The following RAPGEF3 variants were observed in gnomAD, a reference collection of about 807,000 sequenced individuals.
RAPGEF3 encodes the protein 9330170P05Rik.
In RAPGEF3, 103 loss-of-function variants were observed where a neutral mutation model predicts 129.8. That is an observed-to-expected ratio of 0.79 (90% CI 0.68 to 0.93). RAPGEF3 has a LOEUF of 0.93. Among genes scored for constraint, RAPGEF3 ranks in the 40% least tolerant of loss-of-function variants. The pLI, the probability that RAPGEF3 is intolerant of heterozygous loss-of-function variation, is 0.00. For synonymous variants in RAPGEF3, 436 were observed against 482.6 expected, an observed-to-expected ratio of 0.90 and a Z score of 1.26; for missense variants, 1,117 against 1,207.4, an observed-to-expected ratio of 0.93 and a Z score of 1.11.
In RAPGEF3 at chr12:47,747,537, G is replaced by T. The variant is rs1385599771; in HGVS notation, c.1556+7C>A. 1.9e-6 allele frequency: 3 copies of T among 1,612,862 alleles called. No homozygotes were observed. Among genetic ancestry groups the T allele is most frequent in the Non-Finnish European group, 2.5e-6 (3 of 1,179,080 alleles). On this transcript the variant is annotated splice_region_variant and intron_variant, in intron 15 of 27. Coordinates refer to ENST00000449771, the MANE Select transcript of RAPGEF3 (RefSeq NM_001098531.4). ...GAAATGACAAATTAACAGAGTCAAAGCATCACCTGTGGCATCGCCGCCTCT... is the reference window on the plus strand; with the variant it reads ...GAAATGACAAATTAACAGAGTCAAATCATCACCTGTGGCATCGCCGCCTCT...
chr12:47,755,133 G>A (rs1941977633), intron 2 of RAPGEF3, among the ~76,000 whole-genome samples: 1 of 152,170 alleles, frequency 6.6e-6, no homozygotes, highest in South Asian at 2.1e-4. Flanking sequence ...GTGCAGCATG[G>A]TGGTTATGTG....
intron 2 of RAPGEF3, among the ~76,000 whole-genome samples, chr12:47,754,236 C>G (rs1941922167): frequency 6.6e-6 from 1 of 152,268 alleles, no homozygotes; most frequent in Non-Finnish European, 1.5e-5. Flanking sequence ...TATGCCTATT[C>G]CCATGTTTCC....
In RAPGEF3 at chr12:47,758,020, G is replaced by A. The variant is rs754346610; in HGVS notation, c.65C>T (p.Ala22Val). The change falls in exon 2 of 28, where the codon GCT becomes GTT. Residue 22 changes from alanine to valine, a missense_variant. Around this residue, in one of 3 missense-constraint regions of RAPGEF3, gnomAD observed 367 missense variants for 373.4 expected, o/e 0.98. Coordinates refer to ENST00000449771, the MANE Select transcript of RAPGEF3 (RefSeq NM_001098531.4). ...QVGLAVEDSP[A>V]LGAPRVGALP... ...GGCTCCCACCCGCGGTGCTCCCAGA[G>A]CTGGGCTATCCTCCACAGCCAGGCC... The A allele has an allele frequency of 3.8e-5, 60 of 1,576,240 alleles. No homozygotes were observed. The highest frequency in any genetic ancestry group is 4.7e-5 in the Non-Finnish European group (55 of 1,160,940).
rs1940790169 is a variant in RAPGEF3 at position 47,736,047 on chromosome 12, G to C, written c.*1520C>G. Reference sequence around the variant, plus strand: ...GCCTGGATAGCACAGGACTGCCCTTGGCTGTCACCTCTGCTACAGAGGCAG... The same window carrying C: ...GCCTGGATAGCACAGGACTGCCCTTCGCTGTCACCTCTGCTACAGAGGCAG... On this transcript the variant is annotated 3_prime_UTR_variant, in exon 28 of 28. Transcript: ENST00000449771. The C allele has an allele frequency of 6.6e-6, 1 of 152,252 alleles. No individual in the cohort carries two copies. Among genetic ancestry groups the C allele is most frequent in the South Asian group, 2.1e-4 (1 of 4,832 alleles). The allele number at this position is 152,252 out of a possible 1,614,324, so 9.4% of individuals were successfully genotyped here.
Position 47,749,492 on chromosome 12 carries a change from C to T in RAPGEF3, c.939G>A (p.Leu313=). The change falls in exon 10 of 28, where the codon CTG becomes CTA. Residue 313 remains leucine, a synonymous_variant. Coordinates refer to ENST00000449771, the MANE Select transcript of RAPGEF3 (RefSeq NM_001098531.4). This position sits in a 1 kb window ranked among gnomAD's most constrained non-coding sequence, Gnocchi z 4.5. ...TLHEGDDFGQ[L]ALVNDAPRAA... ...CCCGGGGTGCATCATTCACCAGAGC[C>T]AGCTGTCCAAAATCATCTCCCTCAT... 1 of 1,612,794 alleles carries T rather than the reference C, an allele frequency of 6.2e-7. No homozygotes were observed. Among genetic ancestry groups the T allele is most frequent in the Non-Finnish European group, 8.5e-7 (1 of 1,180,002 alleles).
intron 16 of RAPGEF3, 41 bp from the exon 17 acceptor site, chr12:47,744,109 TGAGAG>T (rs1941304829): frequency 1.3e-6 from 2 of 1,501,962 alleles, no homozygotes; most frequent in East Asian, 2.3e-5. Context: ...TGGGAGGACA[TGAGAG>T]GAGACCGTGG....
chr12:47,751,016 T>G (rs758754073), intron 6 of RAPGEF3, 32 bp downstream of exon 6: 1 of 1,585,946 alleles, frequency 6.3e-7, no homozygotes, highest in Non-Finnish European at 8.6e-7. Flanking sequence ...GTGTGAGGCC[T>G]GGGGTCACGG....
intron 17 of RAPGEF3, 87 bp downstream of exon 17, chr12:47,743,900 G>A: frequency 2.1e-6 from 3 of 1,456,652 alleles, no homozygotes; most frequent in Non-Finnish European, 2.9e-6. Flanking sequence ...GGCACACCGA[G>A]GTCAAGAGTG....
At chr12:47,756,386 A>G (rs1427873266) in intron 2 of RAPGEF3, 1 of 152,090 alleles carries the variant, frequency 6.6e-6, no homozygotes, top group East Asian at 1.9e-4. Flanking sequence ...GTTCCAGCCC[A>G]CTGGCTCCAG....
chr12:47,737,882 A>G, intron 27 of RAPGEF3, 140 bp downstream of exon 27: 16 of 1,239,720 alleles, frequency 1.3e-5, no homozygotes, highest in Non-Finnish European at 1.6e-5. Flanking sequence ...CTCAGAGCAC[A>G]GAGGCTGAAC....
chr12:47,743,572 A>G lies in RAPGEF3; in HGVS notation c.1783T>C (p.Trp595Arg), dbSNP rs758693193. Residue 595 changes from tryptophan (W) to arginine (R), a missense_variant, in exon 18 of 28, where the codon TGG becomes CGG. Trp to Arg is a moderately radical substitution (Grantham distance 101). Coordinates refer to ENST00000449771, the MANE Select transcript of RAPGEF3 (RefSeq NM_001098531.4). ...TTCACCAGCACCTGCCCCTTGGTCC[A>G]GCCATCCTCCTGGGCCAACGCTGCC... The part of the protein sequence containing the change: ...VMAALAQEDG[W>R]TKGQVLVKVN... 5 of 1,614,186 alleles carry G rather than the reference A, an allele frequency of 3.1e-6. No homozygotes were observed. The South Asian group carries it at 5.5e-5, about 18-fold the overall frequency.
intron 15 of RAPGEF3, among the ~76,000 whole-genome samples, chr12:47,747,295 A>G (rs1455736118): frequency 6.6e-6 from 1 of 152,186 alleles, no homozygotes; most frequent in East Asian, 1.9e-4. Context: ...TGCATGCCCA[A>G]TGGAGGAAGT....
chr12:47,751,514 G>T lies in RAPGEF3; in HGVS notation c.387C>A (p.Cys129Ter). The T allele has an allele frequency of 1.9e-6, 3 of 1,614,228 alleles. No individual in the cohort carries two copies. The highest frequency in any genetic ancestry group is 2.5e-6 in the Non-Finnish European group (3 of 1,180,042). The change falls in exon 5 of 28, where the codon TGC becomes TGA. Residue 129 changes from cysteine to a stop codon, truncating the protein, a stop_gained. Transcript: ENST00000449771. LOFTEE classifies it high-confidence loss of function. ...RKYHLRLYRQ[C>*]CSGRELVDGI... ...CATCCACCAGCTCCCGGCCAGAGCA[G>T]CACTGCCTATGGAAGGTAGAAGGGG...
At chr12:47,757,617 C>T (rs913601871) in intron 2 of RAPGEF3, among the ~76,000 whole-genome samples, 1 of 152,190 alleles carries the variant, frequency 6.6e-6, no homozygotes. Flanking sequence ...CAACAAATCC[C>T]TTTCCCCTTC....
chr12:47,748,691 TC>T, intron 11 of RAPGEF3, 127 bp downstream of exon 11: 1 of 1,009,210 alleles, frequency 9.9e-7, no homozygotes, highest in Non-Finnish European at 1.5e-6. Context: ...AGCAGGCACA[TC>T]CTGGTCCCTC....
rs1435656137 is a variant in RAPGEF3 at position 47,748,474 on chromosome 12, G to A, written c.1223C>T (p.Ser408Phe). 6.2e-7 allele frequency: 1 copy of A among 1,613,636 alleles called. No homozygotes were observed. Among genetic ancestry groups the A allele is most frequent in the Non-Finnish European group, 8.5e-7 (1 of 1,179,908 alleles). ...CTTACCTGTTGGGTCATGAGCACTGGAATCTGGTCCCATGGCCTCCAACAG... is the reference window on the plus strand; with the variant it reads ...CTTACCTGTTGGGTCATGAGCACTGAAATCTGGTCCCATGGCCTCCAACAG... Reference protein sequence around the residue: ...ELLLEAMGPDSSAHDPTETFL... With the variant: ...ELLLEAMGPDFSAHDPTETFL... The change falls in exon 12 of 28, where the codon TCC becomes TTC. Residue 408 changes from serine (S) to phenylalanine (F), a missense_variant. Coordinates refer to ENST00000449771, the MANE Select transcript of RAPGEF3 (RefSeq NM_001098531.4).
In RAPGEF3 at chr12:47,747,553, C is replaced by T. The variant is rs746514278; in HGVS notation, c.1547G>A (p.Arg516Gln). Reference sequence around the variant, plus strand: ...AGAGTCAAAGCATCACCTGTGGCATCGCCGCCTCTCTGGCCACTGCTCCCT... The same window carrying T: ...AGAGTCAAAGCATCACCTGTGGCATTGCCGCCTCTCTGGCCACTGCTCCCT... ...LLREQWPERR[R>Q]CHRLENGCGN... Residue 516 changes from arginine to glutamine, a missense_variant, in exon 15 of 28, where the codon CGA (arginine) becomes CAA (glutamine). By Grantham distance (43) the Arg-to-Gln change is conservative. Coordinates refer to ENST00000449771, the MANE Select transcript of RAPGEF3 (RefSeq NM_001098531.4). The T allele has an allele frequency of 2.2e-5, 35 of 1,613,656 alleles. No homozygotes were observed. The highest frequency in any genetic ancestry group is 5.3e-5 in the African/African-American group (4 of 74,932).
chr12:47,736,343 C>T lies in RAPGEF3; in HGVS notation c.*1224G>A, dbSNP rs1188931163. On this transcript the variant is annotated 3_prime_UTR_variant, in exon 28 of 28. Transcript: ENST00000449771. ...GCCCAAGGCCCTGCAGCCTCAATAC[C>T]TACTCAGGAGTCATGCCAGGGGCCA... The T allele has an allele frequency of 2.6e-5, 4 of 152,272 alleles. No individual in the cohort carries two copies. The highest frequency in any genetic ancestry group is 6.5e-5 in the Admixed American group (1 of 15,282). The allele number at this position is 152,272 out of a possible 1,614,324, so 9.4% of individuals were successfully genotyped here.
intron 16 of RAPGEF3, chr12:47,746,354 C>A (rs2136770321): frequency 2.5e-6 from 1 of 405,390 alleles, no homozygotes; most frequent in South Asian, 2.9e-5. Context: ...CCTAATCTAC[C>A]TTTCCAGTTC....
Sources: gnomAD v4.1 joint callset for allele counts (sites outside exome capture counted in the v4.1 genomes callset) on GRCh38, gnomAD v4.1.1 for gene constraint, gnomAD v4.1.1 regional missense constraint, Gnocchi (gnomAD v3.1) non-coding constraint, MANE v1.5 for transcripts, NCBI Gene and HGNC (gene_info 2026-07-23, HGNC 2026-07-21) for gene names.